ZNF629: variants seen among roughly 807,000 people sequenced by gnomAD.
The protein encoded by ZNF629 is DNA-binding protein.
Under a neutral mutation model 59.7 loss-of-function variants are expected in ZNF629, and 9 were observed. That is an observed-to-expected ratio of 0.15 (90% CI 0.09 to 0.26). The LOEUF is 0.26. Ranked by LOEUF, ZNF629 falls within the 10% of genes least tolerant of loss-of-function variation. The pLI is 1.00. For synonymous variants in ZNF629, 509 were observed against 498.9 expected (o/e 1.02, Z -0.27); for missense variants, 853 against 1,165.4 (o/e 0.73, Z 3.90).
rs1271527775 is a variant in ZNF629, at chr16:30,779,792, G to A, written c.*1926C>T. The A allele has an allele frequency of 6.6e-6, 1 of 152,168 alleles. No homozygotes were observed. The highest frequency in any genetic ancestry group is 2.4e-5 in the African/African-American group (1 of 41,420). The allele number at this position is 152,168 out of a possible 1,614,324, so 9.4% of individuals were successfully genotyped here. Reference sequence around the variant, plus strand: ...AAAATCTGGGTCACCCCTCTCTTGAGACGTGACTCCTGACGGGCCCCACAG... The same window carrying A: ...AAAATCTGGGTCACCCCTCTCTTGAAACGTGACTCCTGACGGGCCCCACAG... On this transcript the variant is annotated 3_prime_UTR_variant, in exon 3 of 3. Coordinates refer to ENST00000262525, the MANE Select transcript of ZNF629 (RefSeq NM_001080417.3).
intron 1 of ZNF629, among the ~76,000 whole-genome samples, chr16:30,785,190 G>A (rs1409152154): frequency 1.3e-5 from 2 of 152,144 alleles, no homozygotes; most frequent in African/African-American, 4.8e-5. Context: ...GGATGCTTGT[G>A]TGAACACCTG....
At position 30,783,042 on chromosome 16, in the gene ZNF629, G is replaced by C; in HGVS notation, c.1286C>G (p.Pro429Arg). ...CTTGCCGCAGTCGGCGCAGATGTAG[G>C]GCCGCTCGCCGCGGTGGATGCGCTG... ...NHQRIHRGER[P>R]YICADCGKSF... Residue 429 changes from proline (P) to arginine (R), a missense_variant, in exon 3 of 3, where the codon CCC becomes CGC. By Grantham distance (103) the Pro-to-Arg change is moderately radical (BLOSUM62 -2). Transcript: ENST00000262525. The C allele has an allele frequency of 6.2e-7, 1 of 1,613,880 alleles. No individual in the cohort carries two copies. The highest frequency in any genetic ancestry group is 8.5e-7 in the Non-Finnish European group (1 of 1,179,978).
rs2054268330 is a variant in ZNF629, at chr16:30,780,163, G to T, written c.*1555C>A. The stretch of plus-strand genomic sequence containing the variant: ...TGGCTAAGGAGGAGAGGGGAGCCAA[G>T]TGAGTGGAATCCATCCCATCCATCT... On this transcript the variant is annotated 3_prime_UTR_variant, in exon 3 of 3. Coordinates refer to ENST00000262525, the MANE Select transcript of ZNF629 (RefSeq NM_001080417.3). The T allele has an allele frequency of 6.6e-6, 1 of 152,640 alleles. No individual in the cohort carries two copies. Among genetic ancestry groups the T allele is most frequent in the African/African-American group, 2.4e-5 (1 of 41,436 alleles). 9.5% of individuals were successfully genotyped at this position (152,640 alleles called of 1,614,324 possible). A position where few individuals can be genotyped will look rare whatever the true frequency, so the allele number is the denominator to read the frequency against.
Position 30,786,844 on chromosome 16 carries a change from G to A in ZNF629, c.-34+184C>T, listed in dbSNP as rs1243500609. On this transcript the variant is annotated intron_variant, in intron 1 of 2. Coordinates refer to ENST00000262525, the MANE Select transcript of ZNF629 (RefSeq NM_001080417.3). The surrounding 1 kb of genome is among the most constrained non-coding windows in gnomAD (Gnocchi z 4.8). ...CTCCCCTCCCCCGCCACCGACCCCC[G>A]CGCTTCCCAGAATCCTCGGCCCTCC... 1.5e-5 allele frequency among the ~76,000 whole-genome samples: 2 copies of A among 131,854 alleles called. No individual in the cohort carries two copies. Among genetic ancestry groups the A allele is most frequent in the Admixed American group, 7.4e-5 (1 of 13,490 alleles). 86.5% of individuals were successfully genotyped at this position (131,854 alleles called of 152,430 possible).
In ZNF629 at chr16:30,781,935, G is replaced by A. The variant is rs777468111; in HGVS notation, c.2393C>T (p.Pro798Leu). ...ETHTQEKPPN[P>L]EDPPPEAVTL... ...GACTGCCTCTGGAGGGGGGTCCTCG[G>A]GATTGGGGGGTTTTTCCTGGGTGTG... is the stretch of plus-strand genomic sequence containing the variant. The change falls in exon 3 of 3, where the codon CCC becomes CTC. Residue 798 changes from proline to leucine, a missense_variant. This residue lies in a region of ZNF629 where 420 missense variants were observed against 435.6 expected (regional missense o/e 0.96). Transcript: ENST00000262525. 7.2e-6 allele frequency: 11 copies of A among 1,538,312 alleles called. No homozygotes were observed. The highest frequency in any genetic ancestry group is 1.8e-4 in the Middle Eastern group (1 of 5,672).
rs1338483222 is a variant in ZNF629 at position 30,781,471 on chromosome 16, T to C, written c.*247A>G. 1.1e-5 allele frequency: 4 copies of C among 357,436 alleles called. No individual in the cohort carries two copies. The highest frequency in any genetic ancestry group is 2.0e-5 in the Non-Finnish European group (4 of 200,650). The allele number at this position is 357,436 out of a possible 1,614,324, so 22.1% of individuals were successfully genotyped here. On this transcript the variant is annotated 3_prime_UTR_variant, in exon 3 of 3. Transcript: ENST00000262525. Reference sequence around the variant, plus strand: ...CTACAGACTTAAAGGGCTTTTTTTTTTCCTACATATTTATAGGGTTTCTAA... The same window carrying C: ...CTACAGACTTAAAGGGCTTTTTTTTCTCCTACATATTTATAGGGTTTCTAA...
Position 30,782,758 on chromosome 16 carries a change from G to A in ZNF629, c.1570C>T (p.Leu524=). The A allele has an allele frequency of 3.7e-6, 6 of 1,613,688 alleles. No individual in the cohort carries two copies. The highest frequency in any genetic ancestry group is 5.1e-6 in the Non-Finnish European group (6 of 1,179,884). The part of the protein sequence containing the change: ...FVCSDCGKAF[L]EAHELEQHRV... The stretch of plus-strand genomic sequence containing the variant: ...TGCTGCTCCAGCTCGTGGGCTTCCA[G>A]GAAGGCCTTCCCGCAGTCGGAGCAC... Residue 524 remains leucine, a synonymous_variant, in exon 3 of 3, where the codon CTG becomes TTG. Transcript: ENST00000262525.
Position 30,780,359 on chromosome 16 carries a change from C to T in ZNF629, c.*1359G>A, listed in dbSNP as rs2054269635. ...TTATCCTGCGGGGCAGCCTTGCTAC[C>T]AACAAAGATGAATAGCTGAAGTTTA... On this transcript the variant is annotated 3_prime_UTR_variant, in exon 3 of 3. Transcript: ENST00000262525. 1 of 152,542 alleles carries T rather than the reference C, an allele frequency of 6.6e-6. No individual in the cohort carries two copies. The highest frequency in any genetic ancestry group is 6.6e-5 in the Admixed American group (1 of 15,266). 9.4% of individuals were successfully genotyped at this position (152,542 alleles called of 1,614,324 possible). A position where few individuals can be genotyped will look rare whatever the true frequency, so the allele number is the denominator to read the frequency against.
Position 30,782,384 on chromosome 16 carries a change from C to T in ZNF629, c.1944G>A (p.Glu648=), listed in dbSNP as rs2054289930. The T allele has an allele frequency of 6.3e-7, 1 of 1,576,560 alleles. No individual in the cohort carries two copies. Residue 648 remains glutamate (E), a synonymous_variant, in exon 3 of 3, where the codon GAG becomes GAA. Transcript: ENST00000262525. ...GCAGCCCCCGCCTCTGGCTGAAGCCCTCCTGACCCTCCGGCGGCTTAAGGG... is the reference window on the plus strand; with the variant it reads ...GCAGCCCCCGCCTCTGGCTGAAGCCTTCCTGACCCTCCGGCGGCTTAAGGG... ...GQPLKPPEGQ[E]GFSQRRGLLS... is the part of the protein sequence containing the mutation.
rs1438768386 is a variant in ZNF629, at chr16:30,781,751, G to C, written c.2577C>G (p.Leu859=). Residue 859 remains leucine (L), a synonymous_variant, in exon 3 of 3, where the codon CTC becomes CTG. Coordinates refer to ENST00000262525, the MANE Select transcript of ZNF629 (RefSeq NM_001080417.3). ...AGACACCTGGGTGGCAGCTCCTATG[G>C]AGCAGGAGGGCTGCGACTTCTGTGA... is the stretch of plus-strand genomic sequence containing the variant. ...AGFTEVAALL[L]HRSCHPGVSL is the part of the protein sequence containing the mutation. 6.2e-7 allele frequency: 1 copy of C among 1,612,568 alleles called. No homozygotes were observed. The highest frequency in any genetic ancestry group is 8.5e-7 in the Non-Finnish European group (1 of 1,179,322).
Position 30,784,238 on chromosome 16 carries a change from G to A in ZNF629, c.90C>T (p.Asn30=), listed in dbSNP as rs2054311085. 2 of 1,602,916 alleles carry A rather than the reference G, an allele frequency of 1.2e-6. No homozygotes were observed. Among genetic ancestry groups the A allele is most frequent in the Non-Finnish European group, 8.5e-7 (1 of 1,177,566 alleles). ...NDAHRGAESE[N]EEESPRQESS... is the part of the protein sequence containing the mutation. ...TTTCCTGCCGAGGGCTCTCCTCTTC[G>A]TTTTCACTCTCGGCACCTACAGAAA... The change falls in exon 3 of 3, where the codon AAC becomes AAT. Residue 30 remains asparagine (N), a synonymous_variant. Transcript: ENST00000262525.
chr16:30,782,810 G>T lies in ZNF629; in HGVS notation c.1518C>A (p.Arg506=). ...SQSSNLITHV[R]THMDENLFVC... is the part of the protein sequence containing the mutation. ...CGAACAGGTTCTCGTCCATGTGCGT[G>T]CGGACGTGGGTAATAAGGTTGGAGC... is the stretch of plus-strand genomic sequence containing the variant. The change falls in exon 3 of 3, where the codon CGC becomes CGA. Residue 506 remains arginine (R), a synonymous_variant. Transcript: ENST00000262525. 1 of 1,614,168 alleles carries T rather than the reference G, an allele frequency of 6.2e-7. No individual in the cohort carries two copies. The highest frequency in any genetic ancestry group is 2.2e-5 in the East Asian group (1 of 44,892).
rs534936913 is a variant in ZNF629 at position 30,780,904 on chromosome 16, T to C, written c.*814A>G. 3.3e-5 allele frequency: 5 copies of C among 152,196 alleles called. No homozygotes were observed. The highest frequency in any genetic ancestry group is 7.3e-5 in the Non-Finnish European group (5 of 68,032). 9.4% of individuals were successfully genotyped at this position (152,196 alleles called of 1,614,324 possible). ...TTGTGGTGGTTTCTCAGTATTCTTA[T>C]ACTGACCATGTTTCTGCACCCCAAA... On this transcript the variant is annotated 3_prime_UTR_variant, in exon 3 of 3. Transcript: ENST00000262525.
At chr16:30,785,953 A>C (rs2054328395) in intron 1 of ZNF629, among the ~76,000 whole-genome samples, 1 of 152,156 alleles carries the variant, frequency 6.6e-6, no homozygotes, top group South Asian at 2.1e-4. Flanking sequence ...GAATGGGGCC[A>C]CAGGAACAAA....
rs1463881910 is a variant in ZNF629 at position 30,782,070 on chromosome 16, G to C, written c.2258C>G (p.Ser753Cys). The C allele has an allele frequency of 6.3e-7, 1 of 1,577,748 alleles. No homozygotes were observed. Among genetic ancestry groups the C allele is most frequent in the South Asian group, 1.2e-5 (1 of 86,034 alleles). The part of the protein sequence containing the change: ...QKSPELGKSS[S>C]VLLEHLRSPL... The stretch of plus-strand genomic sequence containing the variant: ...GCTCCTGAGATGCTCCAGGAGGACG[G>C]AAGAGCTCTTCCCCAGCTCTGGACT... The change falls in exon 3 of 3, where the codon TCC (serine) becomes TGC (cysteine). Residue 753 changes from serine to cysteine, a missense_variant. Physicochemically the swap from Ser to Cys is moderately radical, Grantham distance 112. Around this residue, in one of 3 missense-constraint regions of ZNF629, gnomAD observed 420 missense variants for 435.6 expected, o/e 0.96. Transcript: ENST00000262525.
Position 30,782,747 on chromosome 16 carries a change from G to C in ZNF629, c.1581C>G (p.His527Gln), listed in dbSNP as rs2054295539. The change falls in exon 3 of 3, where the codon CAC (histidine) becomes CAG (glutamine). Residue 527 changes from histidine (H) to glutamine (Q), a missense_variant. Coordinates refer to ENST00000262525, the MANE Select transcript of ZNF629 (RefSeq NM_001080417.3). ...SDCGKAFLEA[H>Q]ELEQHRVIHE... ...GGATCACCCGGTGCTGCTCCAGCTC[G>C]TGGGCTTCCAGGAAGGCCTTCCCGC... is the stretch of plus-strand genomic sequence containing the variant. The C allele has an allele frequency of 6.2e-7, 1 of 1,613,306 alleles. No individual in the cohort carries two copies. The highest frequency in any genetic ancestry group is 8.5e-7 in the Non-Finnish European group (1 of 1,179,886).
Position 30,782,046 on chromosome 16 carries a change from C to T in ZNF629, c.2282G>A (p.Ser761Asn), listed in dbSNP as rs753454372. 6.4e-6 allele frequency: 10 copies of T among 1,573,082 alleles called. No individual in the cohort carries two copies. The East Asian group carries it at 2.3e-4, about 35-fold the overall frequency. Reference sequence around the variant, plus strand: ...GCGGTAGGGTCTGGCCCCCAGGGGGCTCCTGAGATGCTCCAGGAGGACGGA... The same window carrying T: ...GCGGTAGGGTCTGGCCCCCAGGGGGTTCCTGAGATGCTCCAGGAGGACGGA... ...SSSVLLEHLR[S>N]PLGARPYRCS... is the part of the protein sequence containing the mutation. Residue 761 changes from serine to asparagine, a missense_variant, in exon 3 of 3, where the codon AGC (serine) becomes AAC (asparagine). Around this residue, in one of 3 missense-constraint regions of ZNF629, gnomAD observed 420 missense variants for 435.6 expected, o/e 0.96. Transcript: ENST00000262525.
rs908230828 is a variant in ZNF629, at chr16:30,779,571, C to T, written c.*2147G>A. On this transcript the variant is annotated 3_prime_UTR_variant, in exon 3 of 3. Transcript: ENST00000262525. ...TTATGCAGATGGCAACATGGTTCTC[C>T]GCACAATCCTGAGGCCTGCCTTCTC... 2.0e-5 allele frequency: 3 copies of T among 152,164 alleles called. No homozygotes were observed. Among genetic ancestry groups the T allele is most frequent in the South Asian group, 2.1e-4 (1 of 4,820 alleles). The allele number at this position is 152,164 out of a possible 1,614,324, so 9.4% of individuals were successfully genotyped here.
Position 30,782,715 on chromosome 16 carries a change from C to T in ZNF629, c.1613G>A (p.Arg538Lys), listed in dbSNP as rs745537337. 67 of 1,612,582 alleles carry T rather than the reference C, an allele frequency of 4.2e-5. No homozygotes were observed. Among genetic ancestry groups the T allele is most frequent in the Non-Finnish European group, 5.5e-5 (65 of 1,179,666 alleles). ...GGCCCTACGCGCTGGGGTCTTCCCC[C>T]TCTCATGGATCACCCGGTGCTGCTC... ...ELEQHRVIHE[R>K]GKTPARRAQG... The change falls in exon 3 of 3, where the codon AGG (arginine) becomes AAG (lysine). Residue 538 changes from arginine to lysine, a missense_variant. By Grantham distance (26) the Arg-to-Lys change is conservative. Around this residue, in one of 3 missense-constraint regions of ZNF629, gnomAD observed 420 missense variants for 435.6 expected, o/e 0.96. Coordinates refer to ENST00000262525, the MANE Select transcript of ZNF629 (RefSeq NM_001080417.3).
Sources: allele counts gnomAD v4.1 joint callset (sites outside exome capture counted in the v4.1 genomes callset), GRCh38; gene constraint gnomAD v4.1.1; regional missense constraint gnomAD v4.1.1; non-coding constraint Gnocchi (gnomAD v3.1); transcripts MANE v1.5; gene names NCBI Gene and HGNC (gene_info 2026-07-23, HGNC 2026-07-21).